Variants in SNTG2 observed in about 807,000 individuals in gnomAD.
SNTG2 encodes the protein syntrophin gamma 2.
Under a neutral mutation model 70.9 loss-of-function variants are expected in SNTG2, and 74 were observed. That is an observed-to-expected ratio of 1.04 (90% CI 0.86 to 1.27). The LOEUF (loss-of-function observed/expected upper bound fraction) is 1.27. Ranked by LOEUF, SNTG2 falls within the 50% of genes most tolerant of loss-of-function variation. The pLI, the probability that SNTG2 is intolerant of heterozygous loss-of-function variation, is 0.00. For missense variants in SNTG2, 717 were observed against 690.7 expected (o/e 1.04, Z -0.43); for synonymous variants, 278 against 273.8 (o/e 1.02, Z -0.15).
At chr2:1,357,770 A>C (rs1167987449) in intron 16 of SNTG2, among the ~76,000 whole-genome samples, 1 of 149,352 alleles carries the variant, frequency 6.7e-6, no homozygotes, top group Non-Finnish European at 1.5e-5. Flanking sequence ...AATTTATCCA[A>C]TTTTTTTCTA....
chr2:1,154,434 A>G (rs1423721784), intron 6 of SNTG2, among the ~76,000 whole-genome samples: 1 of 152,238 alleles, frequency 6.6e-6, no homozygotes, highest in Admixed American at 6.5e-5. Flanking sequence ...TTAAAAGTTA[A>G]CAATTTATAA....
At chr2:1,256,705 T>C (rs1678140074) in intron 12 of SNTG2, 1 of 151,998 alleles carries the variant, frequency 6.6e-6, no homozygotes, top group Admixed American at 6.6e-5. Context: ...ATCACATCCA[T>C]GTAGGGAGAG....
At chr2:1,144,886 A>G (rs1311167525) in intron 6 of SNTG2, among the ~76,000 whole-genome samples, 2 of 152,214 alleles carry the variant, frequency 1.3e-5, no homozygotes, top group East Asian at 3.9e-4. Flanking sequence ...TCTGCTCTTA[A>G]ACCAAAATGG....
intron 8 of SNTG2, among the ~76,000 whole-genome samples, chr2:1,178,973 A>G (rs1671675814): frequency 6.6e-6 from 1 of 151,936 alleles, no homozygotes; most frequent in Non-Finnish European, 1.5e-5. Flanking sequence ...TATTGCCACA[A>G]TTTCAGATCC....
Position 1,118,041 on chromosome 2 carries a change from C to T in SNTG2, c.326-19581C>T, listed in dbSNP as rs374795556. On this transcript the variant is annotated intron_variant, in intron 4 of 16. Transcript: ENST00000308624. ...GAACCAGAGCTAAAACCTGGCCCCC[C>T]AGGTCTGAACTGCCAGAGTCTGCCT... Among the ~76,000 whole-genome samples, 155 of 152,274 alleles carry T rather than the reference C, an allele frequency of 1.0e-3. 2 individuals carry two copies. The South Asian group carries it at 0.02, about 19-fold the overall frequency.
chr2:1,138,070 A>G (rs1450268571), intron 6 of SNTG2, among the ~76,000 whole-genome samples: 3 of 152,240 alleles, frequency 2.0e-5, no homozygotes, highest in African/African-American at 4.8e-5. Flanking sequence ...GATGAAGCCC[A>G]TGTTAGAGCA....
intron 1 of SNTG2, among the ~76,000 whole-genome samples, chr2:1,010,655 G>C (rs1361512981): frequency 1.3e-5 from 2 of 152,154 alleles, no homozygotes; most frequent in East Asian, 3.9e-4. Flanking sequence ...TTTTCAGATG[G>C]TGCTTGGTTG....
rs13408048 is a variant in SNTG2 at position 1,095,273 on chromosome 2, C to A, written c.211-2923C>A. On this transcript the variant is annotated intron_variant, in intron 2 of 16. Transcript: ENST00000308624. ...TTTTAGGGGGACACAGTCCCATTCC[C>A]AGCACTTCCTATTAGGGCTCACAGT... Among the ~76,000 whole-genome samples, 1,264 of 152,248 alleles carry A rather than the reference C, an allele frequency of 8.3e-3. 14 individuals are homozygous for A. The highest frequency in any genetic ancestry group is 0.029 in the African/African-American group (1,209 of 41,532).
chr2:1,036,861 C>G (rs1160419629), intron 1 of SNTG2, among the ~76,000 whole-genome samples: 1 of 152,210 alleles, frequency 6.6e-6, no homozygotes, highest in African/African-American at 2.4e-5. Flanking sequence ...AATACCGTGT[C>G]TCTCTCTCTG....
chr2:1,335,225 G>A (rs73179459), intron 16 of SNTG2, among the ~76,000 whole-genome samples: 1,926 of 152,246 alleles, frequency 0.013, 38 homozygotes, highest in African/African-American at 0.042. Context: ...CAGATGCTCC[G>A]TAAATGTTTC....
intron 8 of SNTG2, among the ~76,000 whole-genome samples, chr2:1,188,625 T>C (rs985824179): frequency 1.3e-5 from 2 of 151,570 alleles, no homozygotes; most frequent in Non-Finnish European, 2.9e-5. Flanking sequence ...AAAGGATAAT[T>C]TTCAATTTGC....
At chr2:1,045,327 T>C (rs1422344165) in intron 1 of SNTG2, among the ~76,000 whole-genome samples, 1 of 151,200 alleles carries the variant, frequency 6.6e-6, no homozygotes, top group Admixed American at 6.6e-5. Flanking sequence ...TTTTATTCAC[T>C]AAAAAAAAAC....
chr2:1,155,614 T>C (rs12714392), intron 6 of SNTG2, among the ~76,000 whole-genome samples: 119,928 of 151,900 alleles, frequency 0.79, 48,117 homozygotes, highest in Non-Finnish European at 0.86. Context: ...ACGTCAGCCC[T>C]GGCCGTGGTG....
chr2:1,254,769 G>A, intron 12 of SNTG2, among the ~76,000 whole-genome samples: 1 of 152,190 alleles, frequency 6.6e-6, no homozygotes, highest in East Asian at 1.9e-4. Context: ...AAACCATAGT[G>A]ATGATATATA....
chr2:1,008,051 C>T (rs11675840), intron 1 of SNTG2, among the ~76,000 whole-genome samples: 56,830 of 152,124 alleles, frequency 0.37, 11,183 homozygotes, highest in Middle Eastern at 0.52. Context: ...CAACACCCGA[C>T]CAGGTTTTTA....
chr2:1,230,749 G>A (rs1205011192), intron 9 of SNTG2, among the ~76,000 whole-genome samples: 1 of 152,238 alleles, frequency 6.6e-6, no homozygotes, highest in Non-Finnish European at 1.5e-5. Flanking sequence ...CCCACACTCA[G>A]CAGCTCTTCA....
chr2:1,247,927 A>G lies in SNTG2; in HGVS notation c.1005+484A>G, dbSNP rs1323015571. ...TATGGCTGAATGCTATCGTTCTGCAATTTCATTTTCCAGTGCCCACCGGTA... is the reference window on the plus strand; with the variant it reads ...TATGGCTGAATGCTATCGTTCTGCAGTTTCATTTTCCAGTGCCCACCGGTA... On this transcript the variant is annotated intron_variant, in intron 12 of 16. Transcript: ENST00000308624. Among the ~76,000 whole-genome samples the G allele has an allele frequency of 5.3e-5, 8 of 152,222 alleles. No individual in the cohort carries two copies. The East Asian group carries it at 1.2e-3, about 22-fold the overall frequency.
At chr2:984,522 C>T (rs1448585100) in intron 1 of SNTG2, among the ~76,000 whole-genome samples, 1 of 152,170 alleles carries the variant, frequency 6.6e-6, no homozygotes, top group Non-Finnish European at 1.5e-5. Context: ...TCTACCCTCT[C>T]CCATCCCCTC....
chr2:1,220,887 A>G (rs918336470), intron 9 of SNTG2, among the ~76,000 whole-genome samples: 3 of 152,198 alleles, frequency 2.0e-5, no homozygotes, highest in African/African-American at 7.2e-5. Flanking sequence ...TAGGTGAATC[A>G]GGGTGGACCC....
Sources: allele counts gnomAD v4.1 joint callset (sites outside exome capture counted in the v4.1 genomes callset), GRCh38; gene constraint gnomAD v4.1.1; transcripts MANE v1.5; gene names NCBI Gene and HGNC (gene_info 2026-07-23, HGNC 2026-07-21).